RAD51B: variants seen among roughly 807,000 people sequenced by gnomAD.
RAD51B encodes the protein DNA repair protein RAD51 homolog 2.
A neutral mutation model predicts 42.2 loss-of-function variants in RAD51B; 38 were observed. That is an observed-to-expected ratio of 0.90 (90% CI 0.70 to 1.18). The LOEUF (loss-of-function observed/expected upper bound fraction) is 1.18, where lower values mean the gene tolerates loss of function less well. Ranked by LOEUF, RAD51B falls within the 50% of genes most tolerant of loss-of-function variation. The pLI is 0.00. For synonymous variants in RAD51B, 154 were observed against 145.2 expected (o/e 1.06, Z -0.43); for missense variants, 373 against 400.7 (o/e 0.93, Z 0.59).
intron 10 of RAD51B, among the ~76,000 whole-genome samples, chr14:68,534,377 AC>A (rs761824002): frequency 5.9e-5 from 9 of 152,198 alleles, no homozygotes; most frequent in African/African-American, 9.7e-5. Context: ...GTTATTGATG[AC>A]AGCAATTCAG....
At chr14:68,108,866 TTGTGTC>T (rs1170364303) in intron 7 of RAD51B, among the ~76,000 whole-genome samples, 1 of 151,922 alleles carries the variant, frequency 6.6e-6, no homozygotes, top group Non-Finnish European at 1.5e-5. Context: ...AATTATCTGT[TTGTGTC>T]TGGGTTATTG....
At chr14:68,448,232 C>G (rs1302072961) in intron 9 of RAD51B, among the ~76,000 whole-genome samples, 1 of 152,188 alleles carries the variant, frequency 6.6e-6, no homozygotes, top group Middle Eastern at 3.2e-3. Context: ...ATTTGTCTGA[C>G]AGAGAAAACT....
At chr14:67,894,719 T>G (rs1321667768) in intron 7 of RAD51B, among the ~76,000 whole-genome samples, 1 of 152,220 alleles carries the variant, frequency 6.6e-6, no homozygotes, top group African/African-American at 2.4e-5. Flanking sequence ...AGTAGAGACC[T>G]TCATAGTCTC....
intron 9 of RAD51B, among the ~76,000 whole-genome samples, chr14:68,414,772 G>C (rs2877464): frequency 6.7e-6 from 1 of 149,042 alleles, no homozygotes; most frequent in Admixed American, 6.8e-5. Context: ...TGTAATCCCA[G>C]CACTTTTGGG....
intron 10 of RAD51B, among the ~76,000 whole-genome samples, chr14:68,623,417 A>G (rs1012737991): frequency 2.6e-5 from 4 of 152,200 alleles, no homozygotes; most frequent in Non-Finnish European, 5.9e-5. Flanking sequence ...GAGAAATGAG[A>G]GCTAGTGACA....
chr14:68,593,611 C>T (rs1890854324), intron 10 of RAD51B, among the ~76,000 whole-genome samples: 1 of 152,150 alleles, frequency 6.6e-6, no homozygotes, highest in African/African-American at 2.4e-5. Flanking sequence ...TTCTTAGTCT[C>T]CAGAGGCCAA....
chr14:67,951,610 A>T (rs1210150311), intron 7 of RAD51B, among the ~76,000 whole-genome samples: 1 of 152,202 alleles, frequency 6.6e-6, no homozygotes, highest in Non-Finnish European at 1.5e-5. Flanking sequence ...ACAAGAGAGT[A>T]GGCAGAAAGA....
intron 7 of RAD51B, among the ~76,000 whole-genome samples, chr14:67,992,298 A>T (rs2140294539): frequency 6.6e-6 from 1 of 152,300 alleles, no homozygotes; most frequent in African/African-American, 2.4e-5. Flanking sequence ...TGAGACTGTG[A>T]AGCTCCAGAA....
At chr14:68,588,841 T>G (rs1270079001) in intron 10 of RAD51B, among the ~76,000 whole-genome samples, 1 of 152,216 alleles carries the variant, frequency 6.6e-6, no homozygotes, top group African/African-American at 2.4e-5. Flanking sequence ...CCCAAGCTAA[T>G]GTAATGGAAC....
chr14:68,256,126 A>G (rs757819894), intron 7 of RAD51B, among the ~76,000 whole-genome samples: 5 of 152,240 alleles, frequency 3.3e-5, no homozygotes, highest in Non-Finnish European at 4.4e-5. Flanking sequence ...AGATTTGGTC[A>G]GGTGACACAG....
intron 10 of RAD51B, among the ~76,000 whole-genome samples, chr14:68,543,642 A>T (rs1020711924): frequency 6.6e-6 from 1 of 152,146 alleles, no homozygotes; most frequent in Admixed American, 6.5e-5. Flanking sequence ...TCATCTGATC[A>T]CCCATGTTCA....
intron 7 of RAD51B, among the ~76,000 whole-genome samples, chr14:68,108,951 A>G (rs2077419219): frequency 1.3e-5 from 2 of 151,820 alleles, no homozygotes; most frequent in African/African-American, 2.4e-5. Context: ...TATTTTATCA[A>G]TCTGCTTGTC....
intron 7 of RAD51B, among the ~76,000 whole-genome samples, chr14:68,136,575 CAAAAAAAAAA>C (rs1204817902): frequency 2.2e-4 from 1 of 4,450 alleles, no homozygotes; most frequent in African/African-American, 3.5e-4. Context: ...GACTCCATCT[CAAAAAAAAAA>C]AAAAAAAAAA....
intron 11 of RAD51B, among the ~76,000 whole-genome samples, chr14:68,653,801 G>A (rs772267371): frequency 6.6e-6 from 1 of 152,232 alleles, no homozygotes; most frequent in Non-Finnish European, 1.5e-5. Flanking sequence ...TGAAGGATGG[G>A]TGCAATTTTT....
At chr14:67,847,895 C>T (rs918055261) in intron 4 of RAD51B, among the ~76,000 whole-genome samples, 2 of 150,970 alleles carry the variant, frequency 1.3e-5, no homozygotes, top group Non-Finnish European at 3.0e-5. Context: ...AGCCCCCCCC[C>T]ATTTTTGTGT....
At chr14:68,213,441 A>T (rs1006901935) in intron 7 of RAD51B, among the ~76,000 whole-genome samples, 1 of 152,226 alleles carries the variant, frequency 6.6e-6, no homozygotes, top group Non-Finnish European at 1.5e-5. Context: ...GTATTATGCT[A>T]CTAGAACCAG....
In RAD51B at chr14:68,565,421, A is replaced by G. The variant is rs1889374085; in HGVS notation, c.1037-29064A>G. Among the ~76,000 whole-genome samples the G allele has an allele frequency of 6.6e-6, 1 of 152,156 alleles. No homozygotes were observed. Among genetic ancestry groups the G allele is most frequent in the Non-Finnish European group, 1.5e-5 (1 of 68,032 alleles). On this transcript the variant is annotated intron_variant, in intron 10 of 10. Coordinates refer to the RAD51B transcript ENST00000487270. This position sits in a 1 kb window ranked among gnomAD's most constrained non-coding sequence, Gnocchi z 4.1. ...GGCACTTGGGATCTGGCTCTCTCAG[A>G]GCCAAGCCTTTCTGTTTGGAGTTTT... is the stretch of plus-strand genomic sequence containing the variant.
chr14:68,282,761 A>G (rs1176254041), intron 7 of RAD51B, among the ~76,000 whole-genome samples: 1 of 152,178 alleles, frequency 6.6e-6, no homozygotes, highest in Non-Finnish European at 1.5e-5. Context: ...TGGAGATAGA[A>G]TTGGTTGCAC....
chr14:68,155,679 A>C (rs1229676453), intron 7 of RAD51B, among the ~76,000 whole-genome samples: 3 of 152,180 alleles, frequency 2.0e-5, no homozygotes, highest in Admixed American at 6.5e-5. Context: ...AAATTCAACT[A>C]GATTGCGATA....
Sources: allele counts gnomAD v4.1 joint callset (sites outside exome capture counted in the v4.1 genomes callset), GRCh38; gene constraint gnomAD v4.1.1; non-coding constraint Gnocchi (gnomAD v3.1); transcripts MANE v1.5; gene names NCBI Gene and HGNC (gene_info 2026-07-23, HGNC 2026-07-21).